Variants in MED12L observed in about 807,000 individuals in gnomAD.
MED12L encodes mediator of RNA polymerase II transcription subunit 12-like protein.
MED12L carries 60 observed loss-of-function variants against 281.3 expected under a neutral mutation model. The observed-to-expected ratio is 0.21, with a 90% CI of 0.17 to 0.26. The LOEUF (loss-of-function observed/expected upper bound fraction) is 0.26, where lower values mean the gene tolerates loss of function less well. Among genes scored for constraint, MED12L ranks in the 10% least tolerant of loss-of-function variants. The pLI is 1.00. For synonymous variants in MED12L, 974 were observed against 987.2 expected (o/e 0.99, Z 0.25); for missense variants, 2,146 against 2,680.9 (o/e 0.80, Z 4.41).
chr3:151,401,435 C>G (rs1193339505), intron 39 of MED12L, among the ~76,000 whole-genome samples: 1 of 151,982 alleles, frequency 6.6e-6, no homozygotes, highest in African/African-American at 2.4e-5. Flanking sequence ...GAGCATTTTT[C>G]TTTCTCCATA....
intron 16 of MED12L, among the ~76,000 whole-genome samples, chr3:151,275,099 G>T (rs1187175887): frequency 6.6e-6 from 1 of 152,082 alleles, no homozygotes; most frequent in Non-Finnish European, 1.5e-5. Flanking sequence ...TATAGAAGGT[G>T]GCACATTTCC....
At chr3:151,314,615 G>A (rs1350570439) in intron 16 of MED12L, among the ~76,000 whole-genome samples, 3 of 152,182 alleles carry the variant, frequency 2.0e-5, no homozygotes, top group African/African-American at 4.8e-5. Context: ...GAGACCTAGC[G>A]AAGTCGAGAT....
intron 16 of MED12L, among the ~76,000 whole-genome samples, chr3:151,346,957 T>C (rs1752624262): frequency 6.6e-6 from 1 of 152,176 alleles, no homozygotes; most frequent in Non-Finnish European, 1.5e-5. Context: ...TAATAATTAC[T>C]TGGTAATATA....
chr3:151,418,839 A>C (rs1717927775), intron 43 of MED12L, among the ~76,000 whole-genome samples: 1 of 152,220 alleles, frequency 6.6e-6, no homozygotes, highest in Admixed American at 6.5e-5. Flanking sequence ...GATGTGGAAA[A>C]ATTATTTTTT....
intron 4 of MED12L, 116 bp from the exon 5 acceptor site, chr3:151,127,709 C>T (rs967217198): frequency 2.8e-6 from 2 of 705,278 alleles, no homozygotes; most frequent in African/African-American, 3.6e-5. Context: ...GATATACTTT[C>T]TTAGGGCCAG....
intron 5 of MED12L, among the ~76,000 whole-genome samples, chr3:151,135,908 T>C (rs551984211): frequency 6.6e-6 from 1 of 152,294 alleles, no homozygotes; most frequent in East Asian, 1.9e-4. Context: ...CTAGGAATTT[T>C]TGGGTATTCA....
At chr3:151,087,200 C>T (rs1471496232) in intron 2 of MED12L, among the ~76,000 whole-genome samples, 175 bp downstream of exon 2, 1 of 152,228 alleles carries the variant, frequency 6.6e-6, no homozygotes, top group Non-Finnish European at 1.5e-5. Context: ...GGAGACCGAG[C>T]GGCTGTCAGT....
intron 16 of MED12L, among the ~76,000 whole-genome samples, chr3:151,217,470 T>C (rs1319644955): frequency 6.6e-6 from 1 of 152,244 alleles, no homozygotes. Context: ...AGGGACTGAC[T>C]GACCAAGGTA....
intron 5 of MED12L, among the ~76,000 whole-genome samples, chr3:151,130,013 C>G (rs1482781542): frequency 6.6e-6 from 1 of 151,994 alleles, no homozygotes; most frequent in African/African-American, 2.4e-5. Context: ...AAGTGATCCT[C>G]TCACCTGCAC....
At chr3:151,176,468 G>A (rs1262986364) in intron 11 of MED12L, among the ~76,000 whole-genome samples, 1 of 152,168 alleles carries the variant, frequency 6.6e-6, no homozygotes, top group Admixed American at 6.5e-5. Flanking sequence ...TATAAAGGTT[G>A]GAGGACATAA....
At chr3:151,394,385 A>G (rs1463440682) in intron 38 of MED12L, among the ~76,000 whole-genome samples, 2 of 152,248 alleles carry the variant, frequency 1.3e-5, no homozygotes, top group Non-Finnish European at 2.9e-5. Flanking sequence ...AAATTATGCC[A>G]ACAACTGTAT....
At chr3:151,135,226 A>AGGTT (rs1377445388) in intron 5 of MED12L, among the ~76,000 whole-genome samples, 1 of 152,166 alleles carries the variant, frequency 6.6e-6, no homozygotes, top group Non-Finnish European at 1.5e-5. Flanking sequence ...CATGTTGGCC[A>AGGTT]GGTTGGTCTT....
intron 16 of MED12L, among the ~76,000 whole-genome samples, chr3:151,211,385 G>A (rs1235335369): frequency 3.6e-5 from 5 of 138,296 alleles, no homozygotes; most frequent in Non-Finnish European, 6.1e-5. Context: ...TTTTTGTTTC[G>A]TTTTTGTTTT....
intron 16 of MED12L, chr3:151,329,008 C>T (rs1750034665): frequency 6.4e-7 from 1 of 1,574,580 alleles, no homozygotes; most frequent in Non-Finnish European, 8.6e-7. Context: ...CCAGTGTCAC[C>T]TGTTACCAAT....
intron 4 of MED12L, among the ~76,000 whole-genome samples, chr3:151,123,354 G>T (rs1198662993): frequency 6.6e-6 from 1 of 152,148 alleles, no homozygotes; most frequent in Non-Finnish European, 1.5e-5. Context: ...GTCTTTAAAA[G>T]TATCCATCCA....
chr3:151,331,471 G>A (rs931415944), intron 16 of MED12L, among the ~76,000 whole-genome samples: 3 of 152,160 alleles, frequency 2.0e-5, no homozygotes, highest in Non-Finnish European at 4.4e-5. Flanking sequence ...TTGCTTTACA[G>A]TGTTGTTAAA....
intron 16 of MED12L, among the ~76,000 whole-genome samples, chr3:151,237,855 A>G (rs551673168): frequency 6.6e-6 from 1 of 152,212 alleles, no homozygotes; most frequent in Non-Finnish European, 1.5e-5. Context: ...TGGTATTTCT[A>G]TGAAATGTCT....
chr3:151,112,905 A>G lies in MED12L; in HGVS notation c.100-3433A>G, dbSNP rs140727052. On this transcript the variant is annotated intron_variant, in intron 2 of 44. Coordinates refer to ENST00000687756, the MANE Select transcript of MED12L (RefSeq NM_001393769.1). ...TCTTTCATTTATTCTTTGAACAAATATTTATTGAACAGCTGCGATGTGTGC... is the reference window on the plus strand; with the variant it reads ...TCTTTCATTTATTCTTTGAACAAATGTTTATTGAACAGCTGCGATGTGTGC... Among the ~76,000 whole-genome samples, 5 of 152,356 alleles carry G rather than the reference A, an allele frequency of 3.3e-5. No homozygotes were observed. In the East Asian group the frequency reaches 9.6e-4, roughly 29 times the overall value.
intron 16 of MED12L, among the ~76,000 whole-genome samples, chr3:151,339,853 C>T (rs1233439253): frequency 1.3e-5 from 2 of 152,060 alleles, no homozygotes; most frequent in African/African-American, 2.4e-5. Flanking sequence ...TTTGAAATGA[C>T]GTTTGTAATC....
Sources: allele counts gnomAD v4.1 joint callset (sites outside exome capture counted in the v4.1 genomes callset), GRCh38; gene constraint gnomAD v4.1.1; transcripts MANE v1.5; gene names NCBI Gene and HGNC (gene_info 2026-07-23, HGNC 2026-07-21).